Variants in ZDHHC2 observed in about 807,000 individuals in gnomAD.
The protein encoded by ZDHHC2 is palmitoyltransferase ZDHHC2.
Under a neutral mutation model 55.6 loss-of-function variants are expected in ZDHHC2, and 51 were observed. The observed-to-expected ratio is 0.92, with a 90% CI of 0.73 to 1.16. The LOEUF (loss-of-function observed/expected upper bound fraction) is 1.16, where lower values mean the gene tolerates loss of function less well. ZDHHC2 is among the 50% of genes most tolerant of loss of function. The probability of loss-of-function intolerance (pLI) is 0.00; values close to 1 mark genes in which losing one functional copy is unlikely to be tolerated. For missense variants in ZDHHC2, 491 were observed against 442.4 expected (o/e 1.11, Z -0.99); for synonymous variants, 199 against 152.9 (o/e 1.30, Z -2.22).
rs1034787647 is a variant in ZDHHC2, at chr8:17,214,090, G to A, written c.951-1147G>A. On this transcript the variant is annotated intron_variant, in intron 10 of 12. Coordinates refer to ENST00000262096, the MANE Select transcript of ZDHHC2 (RefSeq NM_016353.5). ...ATTATTCTTGAAAGAGTTTTAAGTCGTTTTTTTCTTTTGAATACTGTTACA... is the reference window on the plus strand; with the variant it reads ...ATTATTCTTGAAAGAGTTTTAAGTCATTTTTTTCTTTTGAATACTGTTACA... Among the ~76,000 whole-genome samples, 62 of 152,098 alleles carry A rather than the reference G, an allele frequency of 4.1e-4. 1 individual carries two copies. The highest frequency in any genetic ancestry group is 1.3e-3 in the African/African-American group (56 of 41,508).
intron 10 of ZDHHC2, among the ~76,000 whole-genome samples, chr8:17,213,396 T>C (rs1251870390): frequency 6.6e-6 from 1 of 151,826 alleles, no homozygotes; most frequent in Non-Finnish European, 1.5e-5. Context: ...TGGAATTACA[T>C]GTACACCACA....
chr8:17,182,130 A>C (rs781765831), intron 1 of ZDHHC2, among the ~76,000 whole-genome samples: 2 of 152,200 alleles, frequency 1.3e-5, no homozygotes. Flanking sequence ...TTAATTTGCA[A>C]ACTTTGATAA....
intron 6 of ZDHHC2, among the ~76,000 whole-genome samples, chr8:17,201,467 T>C (rs1265664477): frequency 2.0e-5 from 2 of 100,748 alleles, no homozygotes; most frequent in African/African-American, 3.1e-5. Context: ...GGGCAGCCTT[T>C]TCTCTCTCTC....
At chr8:17,178,982 G>A (rs907456999) in intron 1 of ZDHHC2, among the ~76,000 whole-genome samples, 14 of 151,990 alleles carry the variant, frequency 9.2e-5, no homozygotes, top group Admixed American at 3.3e-4. Context: ...ACAGGGTCAC[G>A]CTCTGTTGCC....
intron 6 of ZDHHC2, among the ~76,000 whole-genome samples, chr8:17,200,312 G>T (rs947253307): frequency 4.6e-5 from 7 of 152,238 alleles, no homozygotes; most frequent in Non-Finnish European, 7.3e-5. Flanking sequence ...ACCTCCAGGG[G>T]CAACCCTCAA....
chr8:17,174,270 A>T (rs1805014283), intron 1 of ZDHHC2, among the ~76,000 whole-genome samples: 1 of 152,098 alleles, frequency 6.6e-6, no homozygotes, highest in Non-Finnish European at 1.5e-5. Context: ...TAATTTAAAA[A>T]AAATTTTTTA....
At chr8:17,214,660 GC>G (rs1807556414) in intron 10 of ZDHHC2, among the ~76,000 whole-genome samples, 1 of 152,086 alleles carries the variant, frequency 6.6e-6, no homozygotes, top group Admixed American at 6.6e-5. Context: ...TGTAATCCTA[GC>G]ACTTTGGGAG....
chr8:17,207,859 A>G, intron 7 of ZDHHC2, 101 bp from the exon 8 acceptor site: 1 of 1,022,022 alleles, frequency 9.8e-7, no homozygotes, highest in Non-Finnish European at 1.3e-6. Flanking sequence ...AAATTTAAGA[A>G]AAATTTTAAG....
At chr8:17,199,621 CTTCCT>C (rs1806618919) in intron 6 of ZDHHC2, among the ~76,000 whole-genome samples, 1 of 48,632 alleles carries the variant, frequency 2.1e-5, no homozygotes, top group Non-Finnish European at 9.7e-5. Flanking sequence ...TCTTCTTCTT[CTTCCT>C]TTCTTCTTCT....
intron 8 of ZDHHC2, 95 bp from the exon 9 acceptor site, chr8:17,209,837 A>T: frequency 7.2e-7 from 1 of 1,390,842 alleles, no homozygotes; most frequent in Non-Finnish European, 9.5e-7. Context: ...ATTGATTTTC[A>T]GAGTTTCTTC....
chr8:17,200,682 C>G (rs1806713379), intron 6 of ZDHHC2, among the ~76,000 whole-genome samples: 1 of 152,146 alleles, frequency 6.6e-6, no homozygotes, highest in African/African-American at 2.4e-5. Flanking sequence ...TTAATTTGGC[C>G]TCATGAGATA....
rs372422170 is a variant in ZDHHC2, at chr8:17,202,253, C to T, written c.477-3402C>T. On this transcript the variant is annotated intron_variant, in intron 6 of 12. Coordinates refer to ENST00000262096, the MANE Select transcript of ZDHHC2 (RefSeq NM_016353.5). ...TTTATTTTATCTTATTTTTTTGAGACGGAGTTGCCTAGGCTGGAGTGCAGT... is the reference window on the plus strand; with the variant it reads ...TTTATTTTATCTTATTTTTTTGAGATGGAGTTGCCTAGGCTGGAGTGCAGT... Among the ~76,000 whole-genome samples, 8 of 152,008 alleles carry T rather than the reference C, an allele frequency of 5.3e-5. No individual in the cohort carries two copies. The South Asian group carries it at 6.2e-4, about 12-fold the overall frequency.
intron 1 of ZDHHC2, among the ~76,000 whole-genome samples, chr8:17,176,073 A>G (rs1386152834): frequency 6.6e-6 from 1 of 152,148 alleles, no homozygotes; most frequent in Non-Finnish European, 1.5e-5. Context: ...ACTTTATTTT[A>G]CTGTAAATTG....
chr8:17,201,097 G>C (rs1806737435), intron 6 of ZDHHC2, among the ~76,000 whole-genome samples: 1 of 152,098 alleles, frequency 6.6e-6, no homozygotes, highest in South Asian at 2.1e-4. Context: ...AAAGTCTATA[G>C]GTAATAACAT....
At chr8:17,163,363 G>T (rs1804448030) in intron 1 of ZDHHC2, among the ~76,000 whole-genome samples, 1 of 152,200 alleles carries the variant, frequency 6.6e-6, no homozygotes, top group African/African-American at 2.4e-5. Flanking sequence ...GCATGGTCCA[G>T]CGAGCTCAGG....
rs74372428 is a variant in ZDHHC2 at position 17,206,229 on chromosome 8, T to C, written c.597+454T>C. Among the ~76,000 whole-genome samples, 228 of 152,350 alleles carry C rather than the reference T, an allele frequency of 1.5e-3. 1 individual carries two copies. Among genetic ancestry groups the C allele is most frequent in the African/African-American group, 5.1e-3 (211 of 41,582 alleles). ...ATGTTTCTAAACAAAAGAGAACCGATGTGTGTTATGGAGAAAATAGGTGTA... is the reference window on the plus strand; with the variant it reads ...ATGTTTCTAAACAAAAGAGAACCGACGTGTGTTATGGAGAAAATAGGTGTA... On this transcript the variant is annotated intron_variant, in intron 7 of 12. Transcript: ENST00000262096.
intron 7 of ZDHHC2, 45 bp from the exon 8 acceptor site, chr8:17,207,915 C>A: frequency 7.3e-7 from 1 of 1,364,750 alleles, no homozygotes; most frequent in Non-Finnish European, 9.6e-7. Flanking sequence ...TAGGGGAATA[C>A]ATATCCCTTT....
In ZDHHC2 at chr8:17,222,967, TC is replaced by T. The variant is rs1807983933; in HGVS notation, c.*2747del. 2 of 151,930 alleles carry T rather than the reference TC, an allele frequency of 1.3e-5. No individual in the cohort carries two copies. Among genetic ancestry groups the T allele is most frequent in the African/African-American group, 4.8e-5 (2 of 41,520 alleles). The allele number at this position is 151,930 out of a possible 1,614,324, so 9.4% of individuals were successfully genotyped here. A position where few individuals can be genotyped will look rare whatever the true frequency, so the allele number is the denominator to read the frequency against. ...ACTATAAAACTCAACTACACTGTAA[TC>T]AATAGACAACTATTGGAAATATGGC... is the stretch of plus-strand genomic sequence containing the variant. On this transcript the variant is annotated 3_prime_UTR_variant, in exon 13 of 13. Transcript: ENST00000262096.
At chr8:17,174,500 T>C (rs929027260) in intron 1 of ZDHHC2, among the ~76,000 whole-genome samples, 2 of 152,138 alleles carry the variant, frequency 1.3e-5, no homozygotes. Context: ...GATGTTGCAC[T>C]CAGTAGGCTT....
Sources: gnomAD v4.1 joint callset for allele counts (sites outside exome capture counted in the v4.1 genomes callset) on GRCh38, gnomAD v4.1.1 for gene constraint, MANE v1.5 for transcripts, NCBI Gene and HGNC (gene_info 2026-07-23, HGNC 2026-07-21) for gene names.